The following KSR2 variants were observed in gnomAD, a reference collection of about 807,000 sequenced individuals.
The protein encoded by KSR2 is kinase suppressor of ras 2.
KSR2 carries 25 observed loss-of-function variants against 107.8 expected under a neutral mutation model. The ratio of observed to expected loss-of-function variants is 0.23; its 90% confidence interval spans 0.17 to 0.32. The LOEUF is 0.32. KSR2 is among the 10% of genes least tolerant of loss of function. The pLI, the probability that KSR2 is intolerant of heterozygous loss-of-function variation, is 1.00. For synonymous variants in KSR2, 480 were observed against 507.0 expected (o/e 0.95, Z 0.71); for missense variants, 887 against 1,268.9 (o/e 0.70, Z 4.57).
At chr12:117,531,047 A>G in intron 11 of KSR2, 34 bp from the exon 12 acceptor site, 1 of 1,583,730 alleles carries the variant, frequency 6.3e-7, no homozygotes, top group Non-Finnish European at 8.7e-7. Flanking sequence ...CAGAAAAAAA[A>G]TGTGAAGTCC....
intron 9 of KSR2, among the ~76,000 whole-genome samples, chr12:117,554,146 C>A (rs1359535381): frequency 6.6e-6 from 1 of 152,150 alleles, no homozygotes; most frequent in Admixed American, 6.5e-5. Flanking sequence ...TGTGTGCAAC[C>A]TTTGCCTCCT....
chr12:117,708,088 AC>A (rs1886600907), intron 4 of KSR2, among the ~76,000 whole-genome samples: 1 of 152,334 alleles, frequency 6.6e-6, no homozygotes, highest in Admixed American at 6.5e-5. Flanking sequence ...AGGATATAGC[AC>A]CCAGAATTTT....
chr12:117,766,297 G>A (rs888817859), intron 3 of KSR2, among the ~76,000 whole-genome samples: 1 of 152,136 alleles, frequency 6.6e-6, no homozygotes, highest in Non-Finnish European at 1.5e-5. Flanking sequence ...CAGACACAAA[G>A]GGTCATATAT....
chr12:117,560,169 G>A (rs964208060), intron 7 of KSR2, among the ~76,000 whole-genome samples: 3 of 152,024 alleles, frequency 2.0e-5, no homozygotes, highest in African/African-American at 7.2e-5. Flanking sequence ...ACTTTTCTGG[G>A]GCCCCCTGGC....
At chr12:117,678,885 C>T (rs1296132419) in intron 4 of KSR2, among the ~76,000 whole-genome samples, 1 of 152,124 alleles carries the variant, frequency 6.6e-6, no homozygotes, top group Non-Finnish European at 1.5e-5. Context: ...CCTCATTTCT[C>T]AAAGAGGGAT....
chr12:117,866,298 C>T (rs1893468418), intron 1 of KSR2, among the ~76,000 whole-genome samples: 1 of 152,176 alleles, frequency 6.6e-6, no homozygotes, highest in East Asian at 1.9e-4. Flanking sequence ...AGCACTCCTC[C>T]TGCCTCAGCC....
chr12:117,966,978 G>A lies in KSR2; in HGVS notation c.180+1098C>T, dbSNP rs577570281. On this transcript the variant is annotated intron_variant, in intron 1 of 19. Coordinates refer to ENST00000339824, the MANE Select transcript of KSR2 (RefSeq NM_173598.6). ...CAGCCCCACTGCCCCCACCCTCGGC[G>A]GATGCCAGCTAATGGAAGTTCCCAA... Among the ~76,000 whole-genome samples, 35 of 152,200 alleles carry A rather than the reference G, an allele frequency of 2.3e-4. No individual in the cohort carries two copies. In the South Asian group the frequency reaches 2.9e-3, roughly 13 times the overall value.
At chr12:117,499,965 T>C (rs1873283304) in intron 14 of KSR2, among the ~76,000 whole-genome samples, 1 of 152,054 alleles carries the variant, frequency 6.6e-6, no homozygotes, top group Non-Finnish European at 1.5e-5. Context: ...GTGTGGGGCA[T>C]TGCTCCCTTC....
At chr12:117,937,692 C>T (rs1252071145) in intron 1 of KSR2, among the ~76,000 whole-genome samples, 3 of 151,726 alleles carry the variant, frequency 2.0e-5, no homozygotes, top group East Asian at 1.9e-4. Context: ...GGCACAGTGG[C>T]TCACCCCTGT....
chr12:117,899,272 C>T (rs1383100661), intron 1 of KSR2, among the ~76,000 whole-genome samples: 1 of 152,020 alleles, frequency 6.6e-6, no homozygotes, highest in Non-Finnish European at 1.5e-5. Context: ...ACTGGAGTAT[C>T]ACTTGAGGCC....
chr12:117,781,077 T>C (rs146754992), intron 3 of KSR2, among the ~76,000 whole-genome samples: 4 of 152,332 alleles, frequency 2.6e-5, no homozygotes, highest in African/African-American at 4.8e-5. Context: ...GTATTTCCCA[T>C]ACTGTTCTCA....
intron 16 of KSR2, among the ~76,000 whole-genome samples, chr12:117,478,713 C>T (rs937391358): frequency 6.6e-6 from 1 of 152,128 alleles, no homozygotes; most frequent in African/African-American, 2.4e-5. Flanking sequence ...CCTCAGCCTC[C>T]CAAAGTATTG....
intron 4 of KSR2, among the ~76,000 whole-genome samples, chr12:117,742,349 A>T (rs1356445432): frequency 6.6e-6 from 1 of 152,224 alleles, no homozygotes; most frequent in Non-Finnish European, 1.5e-5. Context: ...TTTTATTTTC[A>T]TCAATGTGAA....
Position 117,860,252 on chromosome 12 carries a change from C to T in KSR2, c.321+39G>A, listed in dbSNP as rs148959531. ...GAGCAACACAGGGGGTAGCTGCTGGCCAGTAAGGGGCAGGGGACACAGGGG... is the reference window on the plus strand; with the variant it reads ...GAGCAACACAGGGGGTAGCTGCTGGTCAGTAAGGGGCAGGGGACACAGGGG... On this transcript the variant is annotated intron_variant, in intron 2 of 19. Coordinates refer to ENST00000339824, the MANE Select transcript of KSR2 (RefSeq NM_173598.6). 11,796 of 1,587,602 alleles carry T rather than the reference C, an allele frequency of 7.4e-3. 53 individuals carry two copies. Among genetic ancestry groups the T allele is most frequent in the Middle Eastern group, 0.017 (93 of 5,386 alleles).
chr12:117,601,511 C>T (rs1426655620), intron 5 of KSR2, among the ~76,000 whole-genome samples: 3 of 151,986 alleles, frequency 2.0e-5, no homozygotes, highest in African/African-American at 7.3e-5. Flanking sequence ...GAAGAGGATG[C>T]GGGAACACAG....
chr12:117,924,572 C>CAAAAAAAAAAAAA (rs58789868), intron 1 of KSR2, among the ~76,000 whole-genome samples: 35 of 39,444 alleles, frequency 8.9e-4, no homozygotes, highest in Non-Finnish European at 1.1e-3. Context: ...AGCTCCATCT[C>CAAAAAAAAAAAAA]AAAAAAAAAA....
At position 117,454,469 on chromosome 12, in the gene KSR2, C is replaced by A. The variant is rs1333616027; in HGVS notation, c.*12730G>T. 6.6e-6 allele frequency: 1 copy of A among 152,228 alleles called. No individual in the cohort carries two copies. The highest frequency in any genetic ancestry group is 2.4e-5 in the African/African-American group (1 of 41,456). 9.4% of individuals were successfully genotyped at this position (152,228 alleles called of 1,614,324 possible). On this transcript the variant is annotated 3_prime_UTR_variant, in exon 20 of 20. Transcript: ENST00000339824. ...TGCTTTGTTTTCTGTCTTTCAAACC[C>A]TGACATATTTATAGAGACAGCAAAC...
intron 1 of KSR2, among the ~76,000 whole-genome samples, chr12:117,959,671 C>G (rs2137601137): frequency 6.6e-6 from 1 of 152,308 alleles, no homozygotes; most frequent in East Asian, 1.9e-4. Flanking sequence ...TGGCTCACAC[C>G]TGTAATCTCA....
At chr12:117,809,489 C>T (rs909773546) in intron 3 of KSR2, among the ~76,000 whole-genome samples, 1 of 152,162 alleles carries the variant, frequency 6.6e-6, no homozygotes, top group South Asian at 2.1e-4. Flanking sequence ...GCAAAAATCA[C>T]CCCCAGTTGA....
Sources: allele counts gnomAD v4.1 joint callset (sites outside exome capture counted in the v4.1 genomes callset), GRCh38; gene constraint gnomAD v4.1.1; transcripts MANE v1.5; gene names NCBI Gene and HGNC (gene_info 2026-07-23, HGNC 2026-07-21).